ZNF33A: variants seen among roughly 807,000 people sequenced by gnomAD.
The protein encoded by ZNF33A is zinc finger protein 33A.
In ZNF33A, 9 loss-of-function variants were observed where a neutral mutation model predicts 15.9. That is an observed-to-expected ratio of 0.57 (90% confidence interval 0.34 to 0.99). The LOEUF is 0.99. Among genes scored for constraint, ZNF33A ranks in the 50% least tolerant of loss-of-function variants. The probability of loss-of-function intolerance (pLI) is 0.02; values close to 1 mark genes in which losing one functional copy is unlikely to be tolerated. For missense variants in ZNF33A, 843 were observed against 941.6 expected (o/e 0.90, Z 1.37); for synonymous variants, 294 against 324.2 (o/e 0.91, Z 1.00).
chr10:38,060,255 A>G (rs1452749617), downstream of ZNF33A, among the ~76,000 whole-genome samples: 1 of 152,172 alleles, frequency 6.6e-6, no homozygotes, highest in African/African-American at 2.4e-5. Context: ...TAGGGCCTCA[A>G]ATGACCTAAC....
In ZNF33A at chr10:38,055,558, T is replaced by C. The variant is rs765156463; in HGVS notation, c.1434T>C (p.Phe478=). The change falls in exon 5 of 5, where the codon TTT becomes TTC. Residue 478 remains phenylalanine (F), a synonymous_variant. Coordinates refer to ENST00000432900, the MANE Select transcript of ZNF33A (RefSeq NM_006954.2). ...AATGTCTTGAGTGTGGGAAATCCTT[T>C]AGTGAAAAGTCAAATCTTACACAGC... ...PFECLECGKS[F]SEKSNLTQHQ... is the part of the protein sequence containing the mutation. The C allele has an allele frequency of 7.4e-6, 12 of 1,614,112 alleles. No homozygotes were observed. Among genetic ancestry groups the C allele is most frequent in the African/African-American group, 5.3e-5 (4 of 75,038 alleles).
rs1459368812 is a variant in ZNF33A at position 38,056,681 on chromosome 10, A to G, written c.*121A>G. The G allele has an allele frequency of 6.5e-6, 9 of 1,376,350 alleles. No individual in the cohort carries two copies. In the East Asian group the frequency reaches 2.1e-4, roughly 31 times the overall value. 85.3% of individuals were successfully genotyped at this position (1,376,350 alleles called of 1,614,324 possible). On this transcript the variant is annotated 3_prime_UTR_variant, in exon 5 of 5. Coordinates refer to ENST00000432900, the MANE Select transcript of ZNF33A (RefSeq NM_006954.2). ...TATTCTATGTAATATCAGATGGTTA[A>G]TACGGGCATAACACCTTACAGATTT...
At position 38,047,052 on chromosome 10, in the gene ZNF33A, T is replaced by C. The variant is rs540389546; in HGVS notation, c.251-7323T>C. 5.3e-5 allele frequency among the ~76,000 whole-genome samples: 8 copies of C among 151,300 alleles called. No individual in the cohort carries two copies. The South Asian group carries it at 1.5e-3, about 28-fold the overall frequency. ...AAAATTAGCTGGGTGTGGTGGTGCA[T>C]GCCTGTGGTCCTAGCTACTTGGGAG... On this transcript the variant is annotated intron_variant, in intron 4 of 4. Coordinates refer to ENST00000432900, the MANE Select transcript of ZNF33A (RefSeq NM_006954.2).
At chr10:38,039,398 G>GTT (rs59435586) in intron 4 of ZNF33A, 5,939 of 390,028 alleles carry the variant, frequency 0.015, 140 homozygotes, top group African/African-American at 0.081. Context: ...AATTTTTTGT[G>GTT]TTTTTTTTTT....
chr10:38,011,105 C>T (rs1316819832), intron 1 of ZNF33A, among the ~76,000 whole-genome samples: 1 of 152,222 alleles, frequency 6.6e-6, no homozygotes, highest in African/African-American at 2.4e-5. Flanking sequence ...TGTGCTAGGG[C>T]GCCGCGGTAC....
At chr10:38,038,108 A>T (rs1042510095) in intron 4 of ZNF33A, among the ~76,000 whole-genome samples, 1 of 151,978 alleles carries the variant, frequency 6.6e-6, no homozygotes, top group African/African-American at 2.4e-5. Context: ...ATTCTTTTTG[A>T]TGCTATTGTA....
At chr10:38,044,132 A>T (rs934296939) in intron 4 of ZNF33A, among the ~76,000 whole-genome samples, 9 of 150,372 alleles carry the variant, frequency 6.0e-5, no homozygotes, top group African/African-American at 2.2e-4. Flanking sequence ...TGTTCTTTAG[A>T]TTACTTAATC....
downstream of ZNF33A, among the ~76,000 whole-genome samples, chr10:38,061,896 G>A (rs2066658921): frequency 2.0e-5 from 3 of 152,188 alleles, no homozygotes; most frequent in Non-Finnish European, 4.4e-5. Context: ...GGCAGAGGTT[G>A]CAGTGAGCCA....
chr10:38,026,188 GT>G (rs2064978163), intron 4 of ZNF33A, among the ~76,000 whole-genome samples: 1 of 152,168 alleles, frequency 6.6e-6, no homozygotes, highest in South Asian at 2.1e-4. Context: ...TAATGCTTCA[GT>G]GAACACTGGC....
intron 1 of ZNF33A, 23 bp downstream of exon 1, chr10:38,010,806 G>C: frequency 6.3e-7 from 1 of 1,597,436 alleles, no homozygotes; most frequent in Non-Finnish European, 8.5e-7. Context: ...GGGTTGGGCA[G>C]GGAGAGAGAG....
chr10:38,054,311 C>A, intron 4 of ZNF33A, 64 bp from the exon 5 acceptor site: 1 of 1,439,548 alleles, frequency 6.9e-7, no homozygotes, highest in Non-Finnish European at 9.2e-7. Context: ...ATTTGTTTAG[C>A]GATTTCATTC....
At chr10:38,010,944 C>G (rs940606389) in intron 1 of ZNF33A, among the ~76,000 whole-genome samples, 161 bp downstream of exon 1, 2 of 152,160 alleles carry the variant, frequency 1.3e-5, no homozygotes, top group African/African-American at 4.8e-5. Flanking sequence ...GACGCTAGGC[C>G]GGTTCCTCAA....
chr10:38,010,835 T>G, intron 1 of ZNF33A, 52 bp downstream of exon 1: 3 of 1,590,384 alleles, frequency 1.9e-6, no homozygotes, highest in East Asian at 2.2e-5. Context: ...GCGCGACTCC[T>G]GGGGCGGGCG....
At chr10:38,047,417 C>G (rs2065994611) in intron 4 of ZNF33A, among the ~76,000 whole-genome samples, 1 of 151,572 alleles carries the variant, frequency 6.6e-6, no homozygotes, top group Admixed American at 6.6e-5. Context: ...ATCACGAGGT[C>G]AAGAGATCGA....
intron 4 of ZNF33A, chr10:38,039,593 T>C (rs1330903612): frequency 2.2e-6 from 1 of 453,352 alleles, no homozygotes; most frequent in Non-Finnish European, 4.4e-6. Flanking sequence ...CAGATTTTTC[T>C]TTTTCTACTT....
chr10:38,033,199 T>C (rs77007725), intron 4 of ZNF33A, among the ~76,000 whole-genome samples: 1,587 of 152,262 alleles, frequency 0.01, 33 homozygotes, highest in African/African-American at 0.036. Context: ...TTCATAAAAA[T>C]GGAACTGTGT....
chr10:38,060,191 T>A, downstream of ZNF33A: 1 of 751,168 alleles, frequency 1.3e-6, no homozygotes, highest in Non-Finnish European at 1.6e-6. Flanking sequence ...TTATGGTAAC[T>A]GTGACCTGAA....
At chr10:38,044,139 A>C (rs1054067389) in intron 4 of ZNF33A, among the ~76,000 whole-genome samples, 19 of 150,984 alleles carry the variant, frequency 1.3e-4, no homozygotes, top group African/African-American at 4.6e-4. Context: ...TAGATTACTT[A>C]ATCTCTATTG....
In ZNF33A at chr10:38,056,996, C is replaced by T. The variant is rs1181192621; in HGVS notation, c.*436C>T. On this transcript the variant is annotated 3_prime_UTR_variant, in exon 5 of 5. Coordinates refer to ENST00000432900, the MANE Select transcript of ZNF33A (RefSeq NM_006954.2). ...AGAGAGAATTCCCATGTACACTTCA[C>T]CAAACTTCCTCTAAGGATAATGTAT... 6.2e-6 allele frequency: 5 copies of T among 801,606 alleles called. No homozygotes were observed. The highest frequency in any genetic ancestry group is 7.6e-6 in the Non-Finnish European group (5 of 660,550). The allele number at this position is 801,606 out of a possible 1,614,324, so 49.7% of individuals were successfully genotyped here.
Sources: allele counts gnomAD v4.1 joint callset (sites outside exome capture counted in the v4.1 genomes callset), GRCh38; gene constraint gnomAD v4.1.1; transcripts MANE v1.5; gene names NCBI Gene and HGNC (gene_info 2026-07-23, HGNC 2026-07-21).